Variants in RAP1A observed in about 807,000 individuals in gnomAD.
RAP1A encodes the protein ras-related protein Rap-1A.
Under a neutral mutation model 26.4 loss-of-function variants are expected in RAP1A, and 6 were observed. The observed-to-expected ratio is 0.23, with a 90% confidence interval of 0.12 to 0.45. RAP1A has a LOEUF of 0.45. Ranked by LOEUF, RAP1A falls within the 20% of genes least tolerant of loss-of-function variation. RAP1A has a pLI of 0.99. For synonymous variants in RAP1A, 73 were observed against 79.4 expected (o/e 0.92, Z 0.43); for missense variants, 121 against 217.2 (o/e 0.56, Z 2.78).
chr1:111,598,995 A>G (rs1658615462), intron 1 of RAP1A, among the ~76,000 whole-genome samples: 1 of 152,116 alleles, frequency 6.6e-6, no homozygotes, highest in South Asian at 2.1e-4. Flanking sequence ...TAACTGGTAT[A>G]TTATAAAGGA....
At chr1:111,693,718 G>A (rs927376471) in intron 2 of RAP1A, among the ~76,000 whole-genome samples, 13 of 152,098 alleles carry the variant, frequency 8.5e-5, no homozygotes, top group African/African-American at 3.1e-4. Context: ...AATAGCACAT[G>A]TTCTATACCC....
At chr1:111,589,818 A>G (rs946930983) in intron 1 of RAP1A, among the ~76,000 whole-genome samples, 2 of 152,124 alleles carry the variant, frequency 1.3e-5, no homozygotes, top group African/African-American at 4.8e-5. Flanking sequence ...TCACTGAACT[A>G]GAAGTTCACT....
At chr1:111,554,749 C>T (rs1347054361) in intron 1 of RAP1A, among the ~76,000 whole-genome samples, 3 of 152,120 alleles carry the variant, frequency 2.0e-5, no homozygotes, top group Non-Finnish European at 4.4e-5. Context: ...TTCACATTTC[C>T]TTCATGTTTC....
chr1:111,686,466 GTT>G (rs1179381499), intron 1 of RAP1A: 2 of 151,692 alleles, frequency 1.3e-5, no homozygotes, highest in African/African-American at 4.8e-5. Context: ...GTGCCCAGGA[GTT>G]TGAGACTAGC....
At chr1:111,614,330 G>C (rs1405147194) in intron 1 of RAP1A, among the ~76,000 whole-genome samples, 1 of 152,194 alleles carries the variant, frequency 6.6e-6, no homozygotes, top group Non-Finnish European at 1.5e-5. Flanking sequence ...TGAAGGGATG[G>C]TATTTTTCCT....
At chr1:111,681,770 A>G (rs1037667995) in intron 1 of RAP1A, among the ~76,000 whole-genome samples, 6 of 152,214 alleles carry the variant, frequency 3.9e-5, no homozygotes, top group African/African-American at 1.4e-4. Context: ...AAGTTGGAAA[A>G]TGCTCCAGGA....
At chr1:111,543,947 T>C (rs1450646285) in intron 1 of RAP1A, among the ~76,000 whole-genome samples, 1 of 152,158 alleles carries the variant, frequency 6.6e-6, no homozygotes, top group Non-Finnish European at 1.5e-5. Flanking sequence ...ATACTCCCAG[T>C]CCCTACTAGA....
At chr1:111,562,263 C>A (rs1657771489) in intron 1 of RAP1A, among the ~76,000 whole-genome samples, 1 of 152,078 alleles carries the variant, frequency 6.6e-6, no homozygotes, top group Non-Finnish European at 1.5e-5. Context: ...TGTACATAAC[C>A]CTTAGAACAG....
At position 111,580,013 on chromosome 1, in the gene RAP1A, C is replaced by T. The variant is rs181016222; in HGVS notation, c.-28+37504C>T. ...GTTTCACCATGTTGACCAGGCTGGT[C>T]TCGAACTCCTGACCTCAGGTGATCC... On this transcript the variant is annotated intron_variant, in intron 1 of 7. Transcript: ENST00000356415. 3.5e-4 allele frequency among the ~76,000 whole-genome samples: 53 copies of T among 152,194 alleles called. No individual in the cohort carries two copies. In the East Asian group the frequency reaches 0.01, roughly 29 times the overall value.
chr1:111,574,269 G>A (rs1409382464), intron 1 of RAP1A, among the ~76,000 whole-genome samples: 1 of 152,104 alleles, frequency 6.6e-6, no homozygotes, highest in African/African-American at 2.4e-5. Context: ...ATGGCTGTAG[G>A]TGTGCGGCCT....
At chr1:111,625,737 G>A (rs537133101) in intron 1 of RAP1A, among the ~76,000 whole-genome samples, 2 of 152,122 alleles carry the variant, frequency 1.3e-5, no homozygotes, top group East Asian at 1.9e-4. Context: ...CTTGTGAAAA[G>A]GTTGCATATA....
intron 1 of RAP1A, among the ~76,000 whole-genome samples, chr1:111,611,488 T>TA (rs1264740848): frequency 1.3e-5 from 2 of 152,212 alleles, no homozygotes; most frequent in African/African-American, 4.8e-5. Context: ...AATGTCAATT[T>TA]AAAAAAAGTA....
intron 1 of RAP1A, among the ~76,000 whole-genome samples, chr1:111,586,097 A>G (rs1178502118): frequency 6.6e-6 from 1 of 152,210 alleles, no homozygotes; most frequent in Admixed American, 6.5e-5. Flanking sequence ...TAATATATGG[A>G]ACTGCAATCA....
At chr1:111,669,992 G>T (rs1439600682) in intron 1 of RAP1A, among the ~76,000 whole-genome samples, 1 of 152,150 alleles carries the variant, frequency 6.6e-6, no homozygotes, top group Non-Finnish European at 1.5e-5. Flanking sequence ...TAACTACAGT[G>T]TACTCAGAGT....
intron 1 of RAP1A, among the ~76,000 whole-genome samples, chr1:111,688,313 TTC>T (rs1366003144): frequency 2.1e-4 from 26 of 121,784 alleles, no homozygotes; most frequent in African/African-American, 6.8e-4. Flanking sequence ...ATATATTTTT[TTC>T]TTTCTTTCTT....
rs921393185 is a variant in RAP1A at position 111,713,990 on chromosome 1, G to T, written c.*1589G>T. ...ATACTGTCTCTTTGCAACTAGGTAT[G>T]AAGAAGTGTTCATGCCTTGCTGAGA... On this transcript the variant is annotated 3_prime_UTR_variant, in exon 8 of 8. Transcript: ENST00000369709. 1.3e-5 allele frequency: 2 copies of T among 152,194 alleles called. No homozygotes were observed. The highest frequency in any genetic ancestry group is 4.8e-5 in the African/African-American group (2 of 41,448). 9.4% of individuals were successfully genotyped at this position (152,194 alleles called of 1,614,324 possible).
intron 1 of RAP1A, among the ~76,000 whole-genome samples, chr1:111,661,800 GAAAA>G (rs11322950): frequency 9.7e-6 from 1 of 102,850 alleles, no homozygotes; most frequent in Admixed American, 1.0e-4. Flanking sequence ...CTCCGTCCCA[GAAAA>G]AAAAAAAAAA....
chr1:111,642,827 C>T (rs967638146), intron 1 of RAP1A, among the ~76,000 whole-genome samples: 9 of 143,824 alleles, frequency 6.3e-5, no homozygotes, highest in African/African-American at 2.3e-4. Flanking sequence ...GCTGTGTCGC[C>T]CAGGCTGGAG....
At chr1:111,650,921 C>T (rs556201603) in intron 1 of RAP1A, among the ~76,000 whole-genome samples, 21 of 152,108 alleles carry the variant, frequency 1.4e-4, no homozygotes, top group Non-Finnish European at 2.9e-4. Context: ...CCTGCCTCAG[C>T]CTCCCAAGTA....
Sources: gnomAD v4.1 joint callset for allele counts (sites outside exome capture counted in the v4.1 genomes callset) on GRCh38, gnomAD v4.1.1 for gene constraint, MANE v1.5 for transcripts, NCBI Gene and HGNC (gene_info 2026-07-23, HGNC 2026-07-21) for gene names.